Variants in DDAH1 observed in about 807,000 individuals in gnomAD.
DDAH1 encodes N(G),N(G)-dimethylarginine dimethylaminohydrolase 1.
A neutral mutation model predicts 28.8 loss-of-function variants in DDAH1; 19 were observed. That is an observed-to-expected ratio of 0.66 (90% CI 0.46 to 0.97). The LOEUF is 0.97. DDAH1 is among the 50% of genes least tolerant of loss of function. DDAH1 has a pLI of 0.00. For missense variants in DDAH1, 326 were observed against 375.9 expected (o/e 0.87, Z 1.10); for synonymous variants, 153 against 154.4 (o/e 0.99, Z 0.07).
chr1:85,441,238 A>T (rs1570548191), intron 1 of DDAH1, among the ~76,000 whole-genome samples: 1 of 152,296 alleles, frequency 6.6e-6, no homozygotes, highest in South Asian at 2.1e-4. Context: ...AGTATTGAGA[A>T]AGGAGGTAAG....
At chr1:85,377,742 A>G (rs1164185335) in intron 1 of DDAH1, among the ~76,000 whole-genome samples, 1 of 145,326 alleles carries the variant, frequency 6.9e-6, no homozygotes, top group Non-Finnish European at 1.5e-5. Flanking sequence ...AGACACACAC[A>G]CACATTCAGT....
intron 1 of DDAH1, among the ~76,000 whole-genome samples, chr1:85,372,391 T>C (rs911789723): frequency 1.3e-5 from 2 of 152,164 alleles, no homozygotes; most frequent in Non-Finnish European, 2.9e-5. Context: ...TGAATTTTTC[T>C]TCACTATTAT....
chr1:85,372,108 A>G (rs572697963), intron 1 of DDAH1, among the ~76,000 whole-genome samples: 7 of 152,236 alleles, frequency 4.6e-5, no homozygotes, highest in African/African-American at 1.7e-4. Flanking sequence ...CAGAGTGCAT[A>G]GTAATTAATT....
At chr1:85,479,352 T>C (rs1655919854) in intron 2 of DDAH1, among the ~76,000 whole-genome samples, 1 of 151,008 alleles carries the variant, frequency 6.6e-6, no homozygotes, top group African/African-American at 2.4e-5. Context: ...TTTTTGTATT[T>C]TTAGTAGAGA....
intron 1 of DDAH1, among the ~76,000 whole-genome samples, chr1:85,518,124 G>T (rs1211193571): frequency 6.6e-6 from 1 of 152,148 alleles, no homozygotes; most frequent in Non-Finnish European, 1.5e-5. Context: ...ACCAGTAATG[G>T]ACTGGCTAAA....
intron 1 of DDAH1, among the ~76,000 whole-genome samples, chr1:85,566,991 G>A (rs1185931938): frequency 1.3e-5 from 2 of 152,140 alleles, no homozygotes; most frequent in Non-Finnish European, 2.9e-5. Flanking sequence ...TGAGACTGAA[G>A]GCAGAAGAAA....
chr1:85,557,104 G>A (rs148005364), intron 1 of DDAH1, among the ~76,000 whole-genome samples: 7 of 152,236 alleles, frequency 4.6e-5, no homozygotes, highest in Admixed American at 1.3e-4. Flanking sequence ...GTGACAGAGC[G>A]AGACTCTGTC....
At chr1:85,344,785 T>C (rs1018366763) in intron 4 of DDAH1, among the ~76,000 whole-genome samples, 3 of 152,136 alleles carry the variant, frequency 2.0e-5, no homozygotes, top group African/African-American at 7.2e-5. Flanking sequence ...AAGAAGGCAA[T>C]TTCAGGGATG....
At chr1:85,567,838 A>G (rs957093106) in intron 1 of DDAH1, among the ~76,000 whole-genome samples, 2 of 152,196 alleles carry the variant, frequency 1.3e-5, no homozygotes, top group Admixed American at 1.3e-4. Context: ...AAAAAAATCA[A>G]CACTATCAAA....
intron 1 of DDAH1, among the ~76,000 whole-genome samples, chr1:85,449,827 G>A (rs1654585948): frequency 6.6e-6 from 1 of 152,166 alleles, no homozygotes. Context: ...GAGAAGAGGT[G>A]TGTTTGTACT....
At chr1:85,437,598 T>C (rs1653998987) in intron 1 of DDAH1, among the ~76,000 whole-genome samples, 1 of 152,238 alleles carries the variant, frequency 6.6e-6, no homozygotes, top group African/African-American at 2.4e-5. Flanking sequence ...AGATAAGACA[T>C]ACAATACAAA....
chr1:85,352,570 CCT>C (rs1247219868), intron 2 of DDAH1, among the ~76,000 whole-genome samples: 2 of 152,044 alleles, frequency 1.3e-5, no homozygotes, highest in African/African-American at 4.8e-5. Context: ...ATATTTATTC[CCT>C]GATTTAACCC....
chr1:85,430,659 C>A (rs1458233820), intron 1 of DDAH1, among the ~76,000 whole-genome samples: 3 of 152,142 alleles, frequency 2.0e-5, no homozygotes, highest in African/African-American at 7.2e-5. Context: ...CTCTTTGTAG[C>A]AATTGTGAAT....
At chr1:85,346,018 C>A (rs986699009) in intron 4 of DDAH1, among the ~76,000 whole-genome samples, 5 of 152,224 alleles carry the variant, frequency 3.3e-5, no homozygotes, top group African/African-American at 1.2e-4. Context: ...AGATGATGAT[C>A]TCCATAAGAA....
intron 1 of DDAH1, among the ~76,000 whole-genome samples, chr1:85,446,998 T>A (rs992739325): frequency 2.0e-5 from 3 of 152,180 alleles, no homozygotes; most frequent in African/African-American, 7.2e-5. Flanking sequence ...TGGTCATCAT[T>A]GAATTTTAAA....
rs543411253 is a variant in DDAH1 at position 85,450,807 on chromosome 1, A to T, written c.303+13936T>A. ...AATTTTTTAAGTACTTAAAATGGAAAATATATCGAATGTGTAAAGATACTT... is the reference window on the plus strand; with the variant it reads ...AATTTTTTAAGTACTTAAAATGGAATATATATCGAATGTGTAAAGATACTT... On this transcript the variant is annotated intron_variant, in intron 1 of 5. Transcript: ENST00000284031. Among the ~76,000 whole-genome samples the T allele has an allele frequency of 3.9e-5, 6 of 152,334 alleles. No individual in the cohort carries two copies. In the South Asian group the frequency reaches 1.2e-3, roughly 32 times the overall value.
At chr1:85,568,152 G>A (rs1357860077) in intron 1 of DDAH1, among the ~76,000 whole-genome samples, 2 of 152,180 alleles carry the variant, frequency 1.3e-5, no homozygotes, top group African/African-American at 4.8e-5. Context: ...GTCAAAATAT[G>A]TGGGATGCAG....
At chr1:85,355,180 A>C (rs1649427920) in intron 2 of DDAH1, among the ~76,000 whole-genome samples, 1 of 152,162 alleles carries the variant, frequency 6.6e-6, no homozygotes. Context: ...AATGGAACGC[A>C]TCAAAACTGA....
At chr1:85,470,428 C>T (rs1384374371) in intron 2 of DDAH1, among the ~76,000 whole-genome samples, 2 of 152,164 alleles carry the variant, frequency 1.3e-5, no homozygotes, top group Non-Finnish European at 2.9e-5. Flanking sequence ...CCCACTGGGT[C>T]CCTCCCACAA....
Sources: allele counts gnomAD v4.1 joint callset (sites outside exome capture counted in the v4.1 genomes callset), GRCh38; gene constraint gnomAD v4.1.1; transcripts MANE v1.5; gene names NCBI Gene and HGNC (gene_info 2026-07-23, HGNC 2026-07-21).